Variants in ZNF609 observed in about 807,000 individuals in gnomAD.
ZNF609 encodes zinc finger protein 609.
ZNF609 carries 11 observed loss-of-function variants against 109.5 expected under a neutral mutation model. That is an observed-to-expected ratio of 0.10 (90% CI 0.06 to 0.17). ZNF609 has a LOEUF of 0.17. ZNF609 is among the 10% of genes least tolerant of loss of function. ZNF609 has a pLI of 1.00. For synonymous variants in ZNF609, 646 were observed against 662.0 expected (o/e 0.98, Z 0.37); for missense variants, 1,559 against 1,772.4 (o/e 0.88, Z 2.16).
At chr15:64,533,284 C>G (rs1395606530) in intron 2 of ZNF609, among the ~76,000 whole-genome samples, 1 of 152,110 alleles carries the variant, frequency 6.6e-6, no homozygotes, top group Non-Finnish European at 1.5e-5. Flanking sequence ...CTCATGGGCT[C>G]AAGCCATCTG....
chr15:64,677,483 G>C (rs772625663), intron 5 of ZNF609, among the ~76,000 whole-genome samples: 1 of 152,146 alleles, frequency 6.6e-6, no homozygotes, highest in Admixed American at 6.5e-5. Context: ...CAGGTATCTC[G>C]ATTCCTTGTC....
intron 3 of ZNF609, among the ~76,000 whole-genome samples, chr15:64,627,571 C>CTTAA (rs929478910): frequency 2.3e-4 from 35 of 151,844 alleles, no homozygotes; most frequent in African/African-American, 8.0e-4. Flanking sequence ...GGAAAAATCC[C>CTTAA]TTAATTTTCT....
chr15:64,477,756 C>G (rs1346330622), intron 1 of ZNF609, among the ~76,000 whole-genome samples: 2 of 151,814 alleles, frequency 1.3e-5, no homozygotes, highest in East Asian at 3.9e-4. Flanking sequence ...AGCCTCCCGA[C>G]TGGCTGGGAT....
intron 1 of ZNF609, among the ~76,000 whole-genome samples, chr15:64,464,663 G>T (rs1359081221): frequency 7.5e-6 from 1 of 133,594 alleles, no homozygotes; most frequent in East Asian, 2.4e-4. Context: ...TGATACCTCT[G>T]TTATAAAAGT....
intron 2 of ZNF609, among the ~76,000 whole-genome samples, chr15:64,571,316 G>C (rs1355896161): frequency 1.3e-5 from 2 of 152,074 alleles, no homozygotes; most frequent in Non-Finnish European, 2.9e-5. Flanking sequence ...ATAAGAAAGA[G>C]AGCAAACATT....
chr15:64,605,425 C>G (rs185113617), intron 2 of ZNF609, among the ~76,000 whole-genome samples: 34 of 152,258 alleles, frequency 2.2e-4, no homozygotes, highest in East Asian at 1.5e-3. Context: ...GTGGTTATCT[C>G]AAGCCTGGAA....
At chr15:64,553,789 G>A (rs1448487746) in intron 2 of ZNF609, among the ~76,000 whole-genome samples, 3 of 151,842 alleles carry the variant, frequency 2.0e-5, no homozygotes, top group South Asian at 4.2e-4. Context: ...TAGTAGAGAC[G>A]GGGTTTCATC....
chr15:64,507,585 C>T (rs774760505), intron 2 of ZNF609, among the ~76,000 whole-genome samples: 12 of 152,194 alleles, frequency 7.9e-5, no homozygotes, highest in Admixed American at 2.0e-4. Context: ...AAAATCCAGA[C>T]GGCTCCCAGC....
In ZNF609 at chr15:64,678,336, C is replaced by G. The variant is rs143601788; in HGVS notation, c.3623C>G (p.Pro1208Arg). The change falls in exon 6 of 10, where the codon CCA (proline) becomes CGA (arginine). Residue 1208 changes from proline (P) to arginine (R), a missense_variant. This residue lies in a region of ZNF609 where 1,204 missense variants were observed against 1,314.1 expected (regional missense o/e 0.92). Coordinates refer to ENST00000326648, the MANE Select transcript of ZNF609 (RefSeq NM_015042.2). ...CGCCTTGGGAGCAAGGAGCCCCGGC[C>G]AAGTGTCCATGTGCCTGTGTCCTCC... ...ESRLGSKEPR[P>R]SVHVPVSSPL... is the part of the protein sequence containing the mutation. 3.2e-4 allele frequency: 511 copies of G among 1,613,988 alleles called. No individual in the cohort carries two copies. Among genetic ancestry groups the G allele is most frequent in the Non-Finnish European group, 4.2e-4 (495 of 1,180,024 alleles).
intron 2 of ZNF609, among the ~76,000 whole-genome samples, chr15:64,544,254 C>T (rs180936833): frequency 1.2e-3 from 183 of 152,200 alleles, no homozygotes; most frequent in African/African-American, 4.1e-3. Context: ...GCAGGAGAAT[C>T]GCTTGAACTT....
intron 2 of ZNF609, among the ~76,000 whole-genome samples, chr15:64,526,857 C>T (rs1392831786): frequency 6.6e-6 from 1 of 152,028 alleles, no homozygotes; most frequent in African/African-American, 2.4e-5. Flanking sequence ...CCCAGGCTGC[C>T]CAGTCTAGTC....
chr15:64,546,866 C>G (rs1894373214), intron 2 of ZNF609, among the ~76,000 whole-genome samples: 2 of 149,694 alleles, frequency 1.3e-5, no homozygotes, highest in Admixed American at 1.3e-4. Context: ...TCCCGGCTCA[C>G]TGCAAGCTCT....
intron 2 of ZNF609, among the ~76,000 whole-genome samples, chr15:64,516,303 G>T (rs1343220869): frequency 1.3e-5 from 2 of 152,066 alleles, no homozygotes; most frequent in Non-Finnish European, 2.9e-5. Flanking sequence ...AAATTTATTT[G>T]TATTTGTTTT....
chr15:64,648,454 C>T (rs569746151), intron 3 of ZNF609, among the ~76,000 whole-genome samples: 9 of 152,118 alleles, frequency 5.9e-5, no homozygotes, highest in East Asian at 1.9e-4. Context: ...ATCATGCCAC[C>T]GCACTCCAGC....
At chr15:64,510,492 C>G (rs650399) in intron 2 of ZNF609, among the ~76,000 whole-genome samples, 112,376 of 152,032 alleles carry the variant, frequency 0.74, 45,208 homozygotes, top group East Asian at 0.95. Flanking sequence ...AGGTGTGAGT[C>G]ACCATGCTCA....
chr15:64,619,609 T>C (rs1235981126), intron 2 of ZNF609, among the ~76,000 whole-genome samples: 1 of 152,156 alleles, frequency 6.6e-6, no homozygotes, highest in Non-Finnish European at 1.5e-5. Flanking sequence ...TCCCTGAACA[T>C]CTCTTTTAAT....
chr15:64,461,078 G>C (rs1892932995), intron 1 of ZNF609, among the ~76,000 whole-genome samples: 1 of 150,300 alleles, frequency 6.7e-6, no homozygotes, highest in African/African-American at 2.5e-5. Flanking sequence ...GGCCACGGCC[G>C]GTTCAGGCTG....
At chr15:64,588,651 CTTT>C (rs71133452) in intron 2 of ZNF609, among the ~76,000 whole-genome samples, 3 of 135,786 alleles carry the variant, frequency 2.2e-5, no homozygotes, top group Non-Finnish European at 1.6e-5. Context: ...GGTCTGTAGT[CTTT>C]TTTTTTTTTT....
chr15:64,546,734 AAAG>A (rs1469702585), intron 2 of ZNF609, among the ~76,000 whole-genome samples: 1 of 151,474 alleles, frequency 6.6e-6, no homozygotes, highest in Non-Finnish European at 1.5e-5. Flanking sequence ...TATGTCTCTC[AAAG>A]TGCTGGGATT....
Sources: gnomAD v4.1 joint callset for allele counts (sites outside exome capture counted in the v4.1 genomes callset) on GRCh38, gnomAD v4.1.1 for gene constraint, gnomAD v4.1.1 regional missense constraint, MANE v1.5 for transcripts, NCBI Gene and HGNC (gene_info 2026-07-23, HGNC 2026-07-21) for gene names.